MALRD1: variants seen among roughly 807,000 people sequenced by gnomAD.
MALRD1 encodes the protein MAM and LDL receptor class A domain containing 1.
A neutral mutation model predicts 242.1 loss-of-function variants in MALRD1; 247 were observed. The ratio of observed to expected loss-of-function variants is 1.02; its 90% CI spans 0.92 to 1.13. MALRD1 has a LOEUF of 1.13. Among genes scored for constraint, MALRD1 ranks in the 50% most tolerant of loss-of-function variants. The pLI, the probability that MALRD1 is intolerant of heterozygous loss-of-function variation, is 0.00. For missense variants in MALRD1, 2,989 were observed against 2,533.1 expected, an observed-to-expected ratio of 1.18 and a Z score of -3.86; for synonymous variants, 995 against 866.6, an observed-to-expected ratio of 1.15 and a Z score of -2.60.
At chr10:19,446,813 C>T (rs1237648936) in intron 28 of MALRD1, among the ~76,000 whole-genome samples, 2 of 152,054 alleles carry the variant, frequency 1.3e-5, no homozygotes, top group Non-Finnish European at 2.9e-5. Flanking sequence ...AATCACTTTT[C>T]ACATGCTTAT....
At chr10:19,104,624 T>G (rs896398287) in intron 5 of MALRD1, among the ~76,000 whole-genome samples, 1 of 152,122 alleles carries the variant, frequency 6.6e-6, no homozygotes, top group African/African-American at 2.4e-5. Flanking sequence ...TAGAATAGCA[T>G]AAAATACCAG....
chr10:19,056,932 T>G (rs115596629), intron 1 of MALRD1, among the ~76,000 whole-genome samples: 35 of 152,340 alleles, frequency 2.3e-4, no homozygotes, highest in African/African-American at 8.4e-4. Flanking sequence ...GAGATGATTA[T>G]ATGGTTTTTA....
chr10:19,188,662 G>A lies in MALRD1; in HGVS notation c.1951+13334G>A, dbSNP rs142686184. The stretch of plus-strand genomic sequence containing the variant: ...GTTGTTGATATGTGCAAATCTTTAT[G>A]TTCAACGGAAGATCACTACAGCTCA... On this transcript the variant is annotated intron_variant, in intron 14 of 39. Transcript: ENST00000454679. Among the ~76,000 whole-genome samples the A allele has an allele frequency of 2.9e-3, 443 of 152,242 alleles. 1 individual carries two copies. Among genetic ancestry groups the A allele is most frequent in the Admixed American group, 6.4e-3 (98 of 15,286 alleles).
intron 31 of MALRD1, among the ~76,000 whole-genome samples, chr10:19,513,520 A>G (rs1327665707): frequency 6.6e-6 from 1 of 150,852 alleles, no homozygotes; most frequent in Non-Finnish European, 1.5e-5. Flanking sequence ...CGGGCGGATC[A>G]CGAGGTCAGG....
At chr10:19,261,481 C>T (rs1417340256) in intron 19 of MALRD1, among the ~76,000 whole-genome samples, 3 of 150,312 alleles carry the variant, frequency 2.0e-5, no homozygotes, top group African/African-American at 7.3e-5. Context: ...TGATGCTTTC[C>T]AGTCATTTTT....
intron 5 of MALRD1, among the ~76,000 whole-genome samples, chr10:19,122,219 G>T (rs371440465): frequency 7.2e-5 from 11 of 152,184 alleles, no homozygotes; most frequent in Non-Finnish European, 1.2e-4. Context: ...TCCTGGGCTT[G>T]TAGAACCTGG....
intron 14 of MALRD1, among the ~76,000 whole-genome samples, chr10:19,181,610 A>G (rs1318764714): frequency 1.3e-5 from 2 of 152,140 alleles, no homozygotes; most frequent in East Asian, 1.9e-4. Flanking sequence ...TGGAGGAGAA[A>G]TGTGTCTAGA....
intron 29 of MALRD1, among the ~76,000 whole-genome samples, chr10:19,464,808 C>A (rs12356914): frequency 0.024 from 3,728 of 152,210 alleles, 73 homozygotes; most frequent in Middle Eastern, 0.054. Context: ...GCAGGATGGT[C>A]ATTTTCACAA....
At chr10:19,709,633 C>G (rs1333428118) in intron 38 of MALRD1, among the ~76,000 whole-genome samples, 1 of 152,058 alleles carries the variant, frequency 6.6e-6, no homozygotes, top group African/African-American at 2.4e-5. Flanking sequence ...TAAGTATTCC[C>G]TAGTTGCAGT....
intron 36 of MALRD1, among the ~76,000 whole-genome samples, chr10:19,642,784 C>A (rs1840452005): frequency 6.6e-6 from 1 of 151,800 alleles, no homozygotes; most frequent in Admixed American, 6.6e-5. Context: ...GGGAAAGAGT[C>A]AAAGATTATT....
chr10:19,425,783 G>T (rs1042369498), intron 28 of MALRD1, among the ~76,000 whole-genome samples: 13 of 152,110 alleles, frequency 8.5e-5, no homozygotes, highest in African/African-American at 3.1e-4. Context: ...GTGGTCCTGG[G>T]AGTTGTGGAG....
chr10:19,498,337 A>T, intron 30 of MALRD1, 148 bp from the exon 31 acceptor site: 1 of 686,006 alleles, frequency 1.5e-6, no homozygotes, highest in Non-Finnish European at 2.3e-6. Flanking sequence ...TTAAAATATT[A>T]ACAATGAGTA....
At chr10:19,327,360 A>C (rs1843175557) in intron 22 of MALRD1, among the ~76,000 whole-genome samples, 1 of 151,998 alleles carries the variant, frequency 6.6e-6, no homozygotes, top group African/African-American at 2.4e-5. Context: ...GCACATCTTT[A>C]TTGTAGAAAG....
rs552935888 is a variant in MALRD1, at chr10:19,497,726, A to G, written c.5159-759A>G. 8.5e-5 allele frequency among the ~76,000 whole-genome samples: 13 copies of G among 152,292 alleles called. No individual in the cohort carries two copies. In the South Asian group the frequency reaches 2.7e-3, roughly 32 times the overall value. On this transcript the variant is annotated intron_variant, in intron 30 of 39. Coordinates refer to ENST00000454679, the MANE Select transcript of MALRD1 (RefSeq NM_001142308.3). Reference sequence around the variant, plus strand: ...CAATCTCAATTGATTCATACCAATTAAATCACCCAGTCATTCATTCTGTCT... The same window carrying G: ...CAATCTCAATTGATTCATACCAATTGAATCACCCAGTCATTCATTCTGTCT...
chr10:19,584,050 T>C (rs200839325), intron 33 of MALRD1, among the ~76,000 whole-genome samples: 82,175 of 147,994 alleles, frequency 0.56, 23,374 homozygotes, highest in African/African-American at 0.69. Context: ...AGTTTTTATA[T>C]CTGTGGGATC....
intron 14 of MALRD1, among the ~76,000 whole-genome samples, chr10:19,187,571 T>G (rs1266680891): frequency 2.0e-5 from 3 of 151,990 alleles, no homozygotes; most frequent in African/African-American, 7.2e-5. Flanking sequence ...TAGAGAACAA[T>G]TATAGGATAA....
chr10:19,387,922 A>G, intron 27 of MALRD1, 149 bp downstream of exon 27: 1 of 1,024,736 alleles, frequency 9.8e-7, no homozygotes, highest in Non-Finnish European at 1.4e-6. Flanking sequence ...TTTTTTTCTT[A>G]GGGCTGCTGT....
chr10:19,540,756 A>G (rs547437054), intron 32 of MALRD1, among the ~76,000 whole-genome samples: 47 of 152,312 alleles, frequency 3.1e-4, no homozygotes, highest in Admixed American at 5.9e-4. Flanking sequence ...TGACGTTTCA[A>G]TAGCAAAAAA....
intron 29 of MALRD1, among the ~76,000 whole-genome samples, chr10:19,461,747 G>A (rs1835957032): frequency 6.6e-6 from 1 of 152,102 alleles, no homozygotes; most frequent in Non-Finnish European, 1.5e-5. Context: ...AGAAAGCCGA[G>A]GCAAGAAGAT....
Sources: gnomAD v4.1 joint callset for allele counts (sites outside exome capture counted in the v4.1 genomes callset) on GRCh38, gnomAD v4.1.1 for gene constraint, MANE v1.5 for transcripts, NCBI Gene and HGNC (gene_info 2026-07-23, HGNC 2026-07-21) for gene names.